Variants in B3GLCT observed in about 807,000 individuals in gnomAD.
The protein encoded by B3GLCT is beta-1,3-glucosyltransferase.
B3GLCT carries 65 observed loss-of-function variants against 63.4 expected under a neutral mutation model. The observed-to-expected ratio is 1.03, with a 90% CI of 0.84 to 1.26. The LOEUF is 1.26. B3GLCT is among the 50% of genes most tolerant of loss of function. The probability of loss-of-function intolerance (pLI) is 0.00; values close to 1 mark genes in which losing one functional copy is unlikely to be tolerated. For synonymous variants in B3GLCT, 233 were observed against 219.2 expected (o/e 1.06, Z -0.55); for missense variants, 577 against 604.8 (o/e 0.95, Z 0.48).
chr13:31,213,217 CATTCATTT>C (rs1190682432), intron 1 of B3GLCT, among the ~76,000 whole-genome samples: 1 of 152,178 alleles, frequency 6.6e-6, no homozygotes, highest in African/African-American at 2.4e-5. Flanking sequence ...GACTTTCACT[CATTCATTT>C]ATTAAGTAAA....
chr13:31,323,743 C>T lies in B3GLCT; in HGVS notation c.1185-8C>T, dbSNP rs769048768. 1.9e-6 allele frequency: 3 copies of T among 1,614,066 alleles called. No individual in the cohort carries two copies. Among genetic ancestry groups the T allele is most frequent in the Admixed American group, 1.7e-5 (1 of 60,016 alleles). ...TCTAACCCCTTTCTCTGCTCTGGCT[C>T]CCACTAGAATGGTCTTCAGCAGAGA... On this transcript the variant is annotated splice_polypyrimidine_tract_variant and splice_region_variant and intron_variant, in intron 13 of 14. Transcript: ENST00000343307.
intron 12 of B3GLCT, among the ~76,000 whole-genome samples, chr13:31,300,481 T>C (rs1455361412): frequency 6.6e-6 from 1 of 152,198 alleles, no homozygotes; most frequent in East Asian, 1.9e-4. Flanking sequence ...ACTGGAGTTA[T>C]TACTTAAAGT....
intron 1 of B3GLCT, among the ~76,000 whole-genome samples, chr13:31,214,041 G>A (rs555274473): frequency 1.1e-4 from 16 of 152,312 alleles, no homozygotes; most frequent in Admixed American, 1.0e-3. Flanking sequence ...GGGTGGGGAT[G>A]GGGAGGGATT....
chr13:31,229,811 A>T (rs1178866288), intron 4 of B3GLCT, among the ~76,000 whole-genome samples: 3 of 147,926 alleles, frequency 2.0e-5, no homozygotes, highest in Non-Finnish European at 4.5e-5. Context: ...CATATTCTGA[A>T]TTTTTTTTTG....
At chr13:31,291,877 A>G (rs7335154) in intron 12 of B3GLCT, among the ~76,000 whole-genome samples, 4,003 of 152,286 alleles carry the variant, frequency 0.026, 184 homozygotes, top group African/African-American at 0.091. Flanking sequence ...GAGAGAGGGC[A>G]TCCTTGTCTT....
chr13:31,327,347 C>T (rs934996088), intron 14 of B3GLCT, among the ~76,000 whole-genome samples: 6 of 152,138 alleles, frequency 3.9e-5, no homozygotes, highest in African/African-American at 1.2e-4. Flanking sequence ...CGGCTTCTAG[C>T]GACTCAGGGG....
chr13:31,318,684 CA>C (rs1245510871), intron 13 of B3GLCT, among the ~76,000 whole-genome samples: 2 of 152,002 alleles, frequency 1.3e-5, no homozygotes, highest in Admixed American at 6.6e-5. Context: ...ACCTCCTTAT[CA>C]AAAAAGGTTC....
chr13:31,251,152 G>A (rs1238707059), intron 6 of B3GLCT, among the ~76,000 whole-genome samples: 1 of 152,180 alleles, frequency 6.6e-6, no homozygotes, highest in African/African-American at 2.4e-5. Context: ...CTAATAAACA[G>A]AAAGGAATAG....
intron 7 of B3GLCT, among the ~76,000 whole-genome samples, chr13:31,268,761 A>G (rs970092944): frequency 9.9e-5 from 15 of 152,212 alleles, no homozygotes; most frequent in South Asian, 4.1e-4. Flanking sequence ...TTCAAACAAG[A>G]CAGTGACTTG....
chr13:31,283,758 G>A (rs1248796621), intron 10 of B3GLCT, among the ~76,000 whole-genome samples: 1 of 152,100 alleles, frequency 6.6e-6, no homozygotes, highest in Non-Finnish European at 1.5e-5. Context: ...TTCTATTAGA[G>A]TTGGGAACAG....
At chr13:31,233,442 A>G (rs993251187) in intron 4 of B3GLCT, among the ~76,000 whole-genome samples, 1 of 152,070 alleles carries the variant, frequency 6.6e-6, no homozygotes, top group Non-Finnish European at 1.5e-5. Context: ...AAAAAAAAAA[A>G]TGGAAGATGT....
chr13:31,327,015 G>A (rs1429012377), intron 14 of B3GLCT, among the ~76,000 whole-genome samples: 1 of 152,040 alleles, frequency 6.6e-6, no homozygotes, highest in African/African-American at 2.4e-5. Flanking sequence ...AAACCAGCAA[G>A]GATTTGTTTC....
chr13:31,292,895 G>T (rs545170071), intron 12 of B3GLCT, among the ~76,000 whole-genome samples: 3 of 152,066 alleles, frequency 2.0e-5, no homozygotes, highest in East Asian at 3.9e-4. Flanking sequence ...TTTTAATTGT[G>T]ATGTTAGGAT....
chr13:31,207,781 G>A (rs1018374319), intron 1 of B3GLCT, among the ~76,000 whole-genome samples: 5 of 152,198 alleles, frequency 3.3e-5, no homozygotes, highest in Admixed American at 2.6e-4. Context: ...CATGCTTGCT[G>A]CCTCAGTGTG....
intron 4 of B3GLCT, 62 bp from the exon 5 acceptor site, chr13:31,246,961 T>TTTTTTTTTTTTTTTTTC: frequency 9.2e-7 from 1 of 1,088,590 alleles, no homozygotes; most frequent in South Asian, 1.4e-5. Flanking sequence ...CTTTTTTTTT[T>TTTTTTTTTTTTTTTTTC]TTTTTACTTT....
chr13:31,203,429 G>A (rs77531102), intron 1 of B3GLCT, among the ~76,000 whole-genome samples: 2,497 of 152,242 alleles, frequency 0.016, 25 homozygotes, highest in African/African-American at 0.023. Flanking sequence ...GGGAGGGAGA[G>A]CATCTGTTTC....
At chr13:31,275,862 C>A (rs1475379678) in intron 9 of B3GLCT, among the ~76,000 whole-genome samples, 1 of 152,110 alleles carries the variant, frequency 6.6e-6, no homozygotes, top group African/African-American at 2.4e-5. Flanking sequence ...GTTTGCAGTT[C>A]CAGAGGGGGA....
In B3GLCT at chr13:31,208,730, G is replaced by A. The variant is rs150165717; in HGVS notation, c.71-6321G>A. ...TGTCCTTTCTTGTCCTCCCACAGCC[G>A]TCCCACACACTGCCTCCAGAAAGCT... On this transcript the variant is annotated intron_variant, in intron 1 of 14. Coordinates refer to ENST00000343307, the MANE Select transcript of B3GLCT (RefSeq NM_194318.4). 2.9e-3 allele frequency among the ~76,000 whole-genome samples: 424 copies of A among 148,578 alleles called. 1 individual carries two copies. Among genetic ancestry groups the A allele is most frequent in the African/African-American group, 9.6e-3 (391 of 40,688 alleles).
chr13:31,201,158 T>G (rs749436209), intron 1 of B3GLCT, among the ~76,000 whole-genome samples: 14 of 152,276 alleles, frequency 9.2e-5, no homozygotes, highest in Non-Finnish European at 1.5e-4. Context: ...AAGGCAATGA[T>G]TTCAGATTTT....
Sources: allele counts gnomAD v4.1 joint callset (sites outside exome capture counted in the v4.1 genomes callset), GRCh38; gene constraint gnomAD v4.1.1; transcripts MANE v1.5; gene names NCBI Gene and HGNC (gene_info 2026-07-23, HGNC 2026-07-21).